The following AKAP13 variants were observed in gnomAD, a reference collection of about 807,000 sequenced individuals.
AKAP13 encodes the protein A-kinase anchoring protein 13.
Under a neutral mutation model 264.5 loss-of-function variants are expected in AKAP13, and 80 were observed. The ratio of observed to expected loss-of-function variants is 0.30; its 90% CI spans 0.25 to 0.36. The LOEUF (loss-of-function observed/expected upper bound fraction) is 0.36, where lower values mean the gene tolerates loss of function less well. AKAP13 is among the 10% of genes least tolerant of loss of function. AKAP13 has a pLI of 1.00. For synonymous variants in AKAP13, 1,380 were observed against 1,250.2 expected (o/e 1.10, Z -2.19); for missense variants, 3,712 against 3,435.2 (o/e 1.08, Z -2.01).
intron 30 of AKAP13, among the ~76,000 whole-genome samples, chr15:85,731,480 G>C (rs2088025050): frequency 6.6e-6 from 1 of 151,936 alleles, no homozygotes; most frequent in South Asian, 2.1e-4. Context: ...TTGACTTAGA[G>C]AGTTTCCCAC....
chr15:85,479,892 A>AT (rs935566909), intron 1 of AKAP13, among the ~76,000 whole-genome samples: 10 of 151,698 alleles, frequency 6.6e-5, no homozygotes, highest in South Asian at 2.1e-4. Context: ...TCTCATTTTA[A>AT]TTTTTTTTTA....
chr15:85,410,737 A>G (rs2071920860), intron 1 of AKAP13, among the ~76,000 whole-genome samples: 1 of 151,488 alleles, frequency 6.6e-6, no homozygotes, highest in South Asian at 2.1e-4. Context: ...TTCAGGGCCT[A>G]ACTCAAATCC....
At chr15:85,638,189 T>A (rs1287595984) in intron 8 of AKAP13, among the ~76,000 whole-genome samples, 1 of 152,132 alleles carries the variant, frequency 6.6e-6, no homozygotes, top group Non-Finnish European at 1.5e-5. Context: ...TATTTAGAAG[T>A]TTTTAAAATT....
intron 14 of AKAP13, among the ~76,000 whole-genome samples, chr15:85,672,010 A>T (rs999088322): frequency 1.3e-5 from 2 of 152,142 alleles, no homozygotes; most frequent in African/African-American, 4.8e-5. Context: ...TTGCTATCCA[A>T]ACACTATAAA....
intron 1 of AKAP13, among the ~76,000 whole-genome samples, chr15:85,393,597 T>G (rs1322243595): frequency 6.6e-6 from 1 of 152,184 alleles, no homozygotes; most frequent in Non-Finnish European, 1.5e-5. Flanking sequence ...AGAAGAAACT[T>G]TTGTGTGTTT....
At chr15:85,620,939 G>T (rs575199502) in intron 8 of AKAP13, among the ~76,000 whole-genome samples, 1 of 152,304 alleles carries the variant, frequency 6.6e-6, no homozygotes, top group African/African-American at 2.4e-5. Context: ...AGCTCAAAGA[G>T]CACTTTTTGG....
intron 8 of AKAP13, among the ~76,000 whole-genome samples, chr15:85,610,735 G>A (rs1188072043): frequency 1.3e-5 from 2 of 152,204 alleles, no homozygotes. Context: ...CAGCACTTCG[G>A]GAGGCCGAGG....
At chr15:85,554,819 A>T (rs1471708152) in intron 5 of AKAP13, among the ~76,000 whole-genome samples, 1 of 152,192 alleles carries the variant, frequency 6.6e-6, no homozygotes, top group Non-Finnish European at 1.5e-5. Context: ...GATCACAAAG[A>T]TGGTAAGGTG....
At chr15:85,522,119 C>G (rs926302367) in intron 3 of AKAP13, among the ~76,000 whole-genome samples, 13 of 152,170 alleles carry the variant, frequency 8.5e-5, no homozygotes, top group Admixed American at 1.3e-4. Flanking sequence ...AGGTACCATC[C>G]AGTATCACCA....
chr15:85,706,641 T>G (rs1236143680), intron 17 of AKAP13, among the ~76,000 whole-genome samples: 1 of 152,198 alleles, frequency 6.6e-6, no homozygotes, highest in Non-Finnish European at 1.5e-5. Flanking sequence ...GTCAGCGCAT[T>G]CATCTAATTT....
intron 1 of AKAP13, among the ~76,000 whole-genome samples, chr15:85,409,406 G>A (rs2071834136): frequency 6.6e-6 from 1 of 151,574 alleles, no homozygotes; most frequent in South Asian, 2.1e-4. Context: ...TCGAACTCTT[G>A]ACCTCAGGTG....
At chr15:85,657,573 C>T (rs1160822974) in intron 11 of AKAP13, among the ~76,000 whole-genome samples, 1 of 152,118 alleles carries the variant, frequency 6.6e-6, no homozygotes, top group Non-Finnish European at 1.5e-5. Context: ...TCTATAATTC[C>T]ATATTATTCT....
In AKAP13 at chr15:85,533,817, G is replaced by A. The variant is rs1204885677; in HGVS notation, c.415G>A (p.Ala139Thr). Residue 139 changes from alanine (A) to threonine (T), a missense_variant, in exon 4 of 37, where the codon GCA (alanine) becomes ACA (threonine). This residue lies in a region of AKAP13 where 2,759 missense variants were observed against 2,411.7 expected (regional missense o/e 1.14). Transcript: ENST00000394518. ...VNSLDKKLVL[A>T]FRHLKLPTEW... ...TTCCCTTGATAAGAAGTTGGTGCTG[G>A]CATTCAGGCACCTGAAGCTGCCCAC... 2 of 1,613,554 alleles carry A rather than the reference G, an allele frequency of 1.2e-6. No homozygotes were observed. Among genetic ancestry groups the A allele is most frequent in the South Asian group, 1.1e-5 (1 of 90,994 alleles).
chr15:85,504,831 T>C (rs1295878564), intron 2 of AKAP13, among the ~76,000 whole-genome samples: 1 of 152,066 alleles, frequency 6.6e-6, no homozygotes, highest in Non-Finnish European at 1.5e-5. Context: ...TGTGAAACAT[T>C]TTTCAGAGGT....
chr15:85,735,461 T>G, intron 31 of AKAP13, 99 bp from the exon 32 acceptor site: 1 of 1,284,296 alleles, frequency 7.8e-7, no homozygotes, highest in Non-Finnish European at 1.1e-6. Flanking sequence ...TCAGTAGGTT[T>G]CAGACATACT....
intron 8 of AKAP13, among the ~76,000 whole-genome samples, chr15:85,622,009 G>A (rs1229948592): frequency 1.3e-5 from 2 of 152,150 alleles, no homozygotes; most frequent in East Asian, 3.8e-4. Flanking sequence ...TTTCCAGTTT[G>A]AAATAAGATG....
Position 85,581,867 on chromosome 15 carries a change from G to A in AKAP13, c.3799G>A (p.Gly1267Arg). ...TGTCATCGAACAAGTCAAGGCCGCT[G>A]GAGCACTGCTTACTGAGGGGGAGGC... is the stretch of plus-strand genomic sequence containing the variant. ...DAVIEQVKAA[G>R]ALLTEGEACH... Residue 1267 changes from glycine (G) to arginine (R), a missense_variant, in exon 7 of 37, where the codon GGA becomes AGA. By Grantham distance (125) the Gly-to-Arg change is moderately radical (BLOSUM62 -2). This residue lies in a region of AKAP13 where 2,759 missense variants were observed against 2,411.7 expected (regional missense o/e 1.14). Coordinates refer to ENST00000394518, the MANE Select transcript of AKAP13 (RefSeq NM_007200.5). 1.2e-6 allele frequency: 2 copies of A among 1,614,178 alleles called. No individual in the cohort carries two copies. Among genetic ancestry groups the A allele is most frequent in the South Asian group, 1.1e-5 (1 of 91,088 alleles).
At chr15:85,591,674 G>A (rs948933103) in intron 8 of AKAP13, among the ~76,000 whole-genome samples, 3 of 151,838 alleles carry the variant, frequency 2.0e-5, no homozygotes, top group Non-Finnish European at 2.9e-5. Flanking sequence ...GACACCATTC[G>A]CCTTCATAGT....
Position 85,584,218 on chromosome 15 carries a change from A to AG in AKAP13, c.4040-1480dup, listed in dbSNP as rs543415820. On this transcript the variant is annotated intron_variant, in intron 7 of 36. Coordinates refer to ENST00000394518, the MANE Select transcript of AKAP13 (RefSeq NM_007200.5). ...ATTTGGAAGGAGCCAGTTTGAAAGA[A>AG]GGGGATGTGGCCCTTGACCCACCAA... 3.9e-5 allele frequency among the ~76,000 whole-genome samples: 6 copies of AG among 152,336 alleles called. No individual in the cohort carries two copies. The South Asian group carries it at 1.2e-3, about 32-fold the overall frequency.
Sources: allele counts gnomAD v4.1 joint callset (sites outside exome capture counted in the v4.1 genomes callset), GRCh38; gene constraint gnomAD v4.1.1; regional missense constraint gnomAD v4.1.1; transcripts MANE v1.5; gene names NCBI Gene and HGNC (gene_info 2026-07-23, HGNC 2026-07-21).